The following LRP1B variants were observed in gnomAD, a reference collection of about 807,000 sequenced individuals.
LRP1B encodes the protein LDL receptor related protein 1B.
Under a neutral mutation model 556.6 loss-of-function variants are expected in LRP1B, and 217 were observed. The observed-to-expected ratio is 0.39, with a 90% CI of 0.35 to 0.44. The LOEUF is 0.44. Ranked by LOEUF, LRP1B falls within the 20% of genes least tolerant of loss-of-function variation. The pLI, the probability that LRP1B is intolerant of heterozygous loss-of-function variation, is 1.00. For synonymous variants in LRP1B, 2,047 were observed against 1,865.8 expected (o/e 1.10, Z -2.50); for missense variants, 5,053 against 5,620.8 (o/e 0.90, Z 3.23).
chr2:141,929,618 A>G (rs151171625), intron 1 of LRP1B, among the ~76,000 whole-genome samples: 1 of 152,080 alleles, frequency 6.6e-6, no homozygotes, highest in Non-Finnish European at 1.5e-5. Flanking sequence ...TAGAGAGTTA[A>G]AATTTTAAAC....
chr2:141,693,521 T>C, intron 2 of LRP1B, among the ~76,000 whole-genome samples: 1 of 152,186 alleles, frequency 6.6e-6, no homozygotes. Flanking sequence ...TTTACATGAA[T>C]TTGAATAATA....
intron 60 of LRP1B, among the ~76,000 whole-genome samples, chr2:140,474,217 C>G (rs1484117074): frequency 6.6e-6 from 1 of 151,754 alleles, no homozygotes; most frequent in Non-Finnish European, 1.5e-5. Flanking sequence ...ACTTTGGTAC[C>G]TTTTACCTTT....
intron 7 of LRP1B, among the ~76,000 whole-genome samples, chr2:141,157,568 A>C (rs1469078892): frequency 6.6e-6 from 1 of 152,254 alleles, no homozygotes; most frequent in East Asian, 1.9e-4. Flanking sequence ...TAAATGACAT[A>C]AACATGTAGA....
intron 6 of LRP1B, among the ~76,000 whole-genome samples, chr2:141,189,049 T>C (rs1012055223): frequency 1.3e-5 from 2 of 151,940 alleles, no homozygotes; most frequent in African/African-American, 4.8e-5. Flanking sequence ...GAAAAGGAGA[T>C]CTATAAGATT....
intron 7 of LRP1B, among the ~76,000 whole-genome samples, chr2:141,068,346 C>A (rs13406530): frequency 0.58 from 87,173 of 150,976 alleles, 25,377 homozygotes; most frequent in Non-Finnish European, 0.62. Flanking sequence ...TCGTATGGGA[C>A]TTCTGGCCCA....
At chr2:140,597,606 T>C (rs1682495010) in intron 43 of LRP1B, among the ~76,000 whole-genome samples, 1 of 152,212 alleles carries the variant, frequency 6.6e-6, no homozygotes, top group Non-Finnish European at 1.5e-5. Context: ...AAAGGCTAAA[T>C]AATTTGCCTA....
At chr2:141,176,272 T>G (rs1680730968) in intron 7 of LRP1B, among the ~76,000 whole-genome samples, 1 of 151,988 alleles carries the variant, frequency 6.6e-6, no homozygotes, top group Non-Finnish European at 1.5e-5. Context: ...AGTGGTGCAA[T>G]GAGGTGGTTT....
rs755279123 is a variant in LRP1B, at chr2:140,850,132, C to T, written c.4909G>A (p.Gly1637Arg). 1.2e-5 allele frequency: 20 copies of T among 1,612,222 alleles called. No individual in the cohort carries two copies. The highest frequency in any genetic ancestry group is 1.6e-4 in the Middle Eastern group (1 of 6,076). ...GAAATAACAGTTTCTAACCCAGTTC[C>T]GTTAATAAAAGCTCGTTTAATGGTT... ...TQTIKRAFIN[G>R]TGLETVISRD... The change falls in exon 29 of 91, where the codon GGA becomes AGA. Residue 1637 changes from glycine to arginine, a missense_variant. By Grantham distance (125) the Gly-to-Arg change is moderately radical (BLOSUM62 -2). Coordinates refer to ENST00000389484, the MANE Select transcript of LRP1B (RefSeq NM_018557.3).
At chr2:140,390,878 G>A (rs1043690736) in intron 66 of LRP1B, among the ~76,000 whole-genome samples, 1 of 151,538 alleles carries the variant, frequency 6.6e-6, no homozygotes, top group African/African-American at 2.4e-5. Flanking sequence ...AAACTACAAT[G>A]AGATAACACT....
intron 2 of LRP1B, among the ~76,000 whole-genome samples, chr2:141,786,349 C>T (rs1380381662): frequency 1.3e-5 from 2 of 151,840 alleles, no homozygotes; most frequent in Non-Finnish European, 2.9e-5. Context: ...GAAAGGAGAA[C>T]TGTGGAAAGA....
At chr2:141,442,373 A>G (rs1217718413) in intron 3 of LRP1B, among the ~76,000 whole-genome samples, 1 of 151,950 alleles carries the variant, frequency 6.6e-6, no homozygotes, top group Non-Finnish European at 1.5e-5. Context: ...AAAACAGTGG[A>G]CAATATACTA....
At chr2:140,787,509 T>C (rs1689946788) in intron 32 of LRP1B, among the ~76,000 whole-genome samples, 1 of 151,218 alleles carries the variant, frequency 6.6e-6, no homozygotes, top group African/African-American at 2.4e-5. Flanking sequence ...TTCATAGTCT[T>C]AAAGGACTTT....
chr2:141,308,504 A>T (rs1261041272), intron 3 of LRP1B, among the ~76,000 whole-genome samples: 1 of 152,188 alleles, frequency 6.6e-6, no homozygotes, highest in African/African-American at 2.4e-5. Context: ...ATCTTTGTCA[A>T]CATCTACTAT....
At chr2:140,461,339 A>G (rs1687309931) in intron 60 of LRP1B, among the ~76,000 whole-genome samples, 1 of 152,136 alleles carries the variant, frequency 6.6e-6, no homozygotes, top group South Asian at 2.1e-4. Context: ...AAAATCTCAT[A>G]GTTAATGTTA....
intron 41 of LRP1B, among the ~76,000 whole-genome samples, chr2:140,696,993 TG>T (rs1318383345): frequency 1.3e-5 from 2 of 152,178 alleles, no homozygotes; most frequent in Non-Finnish European, 2.9e-5. Flanking sequence ...AGAAAATGTA[TG>T]GGTTGATTTT....
chr2:141,993,325 T>C (rs1307638437), intron 1 of LRP1B, among the ~76,000 whole-genome samples: 1 of 152,126 alleles, frequency 6.6e-6, no homozygotes, highest in East Asian at 1.9e-4. Flanking sequence ...TCCAGGAGTC[T>C]TCATTCACTA....
intron 79 of LRP1B, among the ~76,000 whole-genome samples, chr2:140,333,227 C>G (rs1043355598): frequency 6.6e-6 from 1 of 152,192 alleles, no homozygotes; most frequent in African/African-American, 2.4e-5. Context: ...CTTTCAATAT[C>G]CCCCTGCTAC....
chr2:140,935,002 G>T (rs1267909295), intron 20 of LRP1B, among the ~76,000 whole-genome samples: 1 of 152,130 alleles, frequency 6.6e-6, no homozygotes, highest in Non-Finnish European at 1.5e-5. Flanking sequence ...ATACCCCAGG[G>T]TAATCTGTGG....
chr2:141,842,208 C>T (rs930181062), intron 1 of LRP1B, among the ~76,000 whole-genome samples: 4 of 152,098 alleles, frequency 2.6e-5, no homozygotes, highest in South Asian at 2.1e-4. Context: ...CTAGAAATTG[C>T]TTATGATAGA....
Sources: allele counts gnomAD v4.1 joint callset (sites outside exome capture counted in the v4.1 genomes callset), GRCh38; gene constraint gnomAD v4.1.1; transcripts MANE v1.5; gene names NCBI Gene and HGNC (gene_info 2026-07-23, HGNC 2026-07-21).